NXPH2: variants seen among roughly 807,000 people sequenced by gnomAD.
NXPH2 encodes the protein neurexophilin-2.
In NXPH2, 5 loss-of-function variants were observed where a neutral mutation model predicts 19.8. The ratio of observed to expected loss-of-function variants is 0.25; its 90% confidence interval spans 0.13 to 0.53. NXPH2 has a LOEUF of 0.53. NXPH2 is among the 20% of genes least tolerant of loss of function. The pLI is 0.96. For missense variants in NXPH2, 289 were observed against 322.8 expected, an observed-to-expected ratio of 0.90 and a Z score of 0.80; for synonymous variants, 154 against 127.4, an observed-to-expected ratio of 1.21 and a Z score of -1.41.
intron 1 of NXPH2, among the ~76,000 whole-genome samples, chr2:138,696,268 G>A (rs1680827749): frequency 6.6e-6 from 1 of 152,040 alleles, no homozygotes; most frequent in South Asian, 2.1e-4. Context: ...CTGGTATACA[G>A]AAATAGATAT....
rs769440087 is a variant in NXPH2, at chr2:138,671,180, G to C, written c.537C>G (p.Thr179=). 6.2e-7 allele frequency: 1 copy of C among 1,613,798 alleles called. No individual in the cohort carries two copies. The highest frequency in any genetic ancestry group is 8.5e-7 in the Non-Finnish European group (1 of 1,179,846). The stretch of plus-strand genomic sequence containing the variant: ...GACAATTGAAAGATTTGGATTCCTT[G>C]GTCTCCAAGGTAGACTGGGGGGAAA... ...FEVSPQSTLE[T]KESKSFNCRI... is the part of the protein sequence containing the mutation. The change falls in exon 2 of 2, where the codon ACC becomes ACG. Residue 179 remains threonine (T), a synonymous_variant. Coordinates refer to ENST00000272641, the MANE Select transcript of NXPH2 (RefSeq NM_007226.3).
rs138492824 is a variant in NXPH2 at position 138,721,147 on chromosome 2, C to T, written c.52-49482G>A. On this transcript the variant is annotated intron_variant, in intron 1 of 1. Coordinates refer to ENST00000272641, the MANE Select transcript of NXPH2 (RefSeq NM_007226.3). ...ACAAGGTCAGGAGTTCGAGACCATC[C>T]TGACCAAAATGGTGAAACCCCCATC... Among the ~76,000 whole-genome samples, 354 of 152,226 alleles carry T rather than the reference C, an allele frequency of 2.3e-3. 5 individuals carry two copies. Among genetic ancestry groups the T allele is most frequent in the African/African-American group, 8.0e-3 (333 of 41,544 alleles).
chr2:138,694,387 T>G (rs80347878), intron 1 of NXPH2, among the ~76,000 whole-genome samples: 1,761 of 152,308 alleles, frequency 0.012, 30 homozygotes, highest in African/African-American at 0.04. Context: ...TGGTAGATCC[T>G]AATCCAATTT....
intron 1 of NXPH2, among the ~76,000 whole-genome samples, chr2:138,765,026 A>G (rs944784644): frequency 2.6e-5 from 4 of 152,222 alleles, no homozygotes; most frequent in African/African-American, 9.6e-5. Context: ...GAAGGGCTTG[A>G]CTTATTTAGG....
intron 1 of NXPH2, among the ~76,000 whole-genome samples, chr2:138,681,206 A>G (rs1558912230): frequency 6.6e-6 from 1 of 152,176 alleles, no homozygotes; most frequent in Admixed American, 6.5e-5. Context: ...TAAAAAGAAT[A>G]CTCTGAAACA....
intron 1 of NXPH2, among the ~76,000 whole-genome samples, chr2:138,688,714 T>C (rs1416401954): frequency 6.6e-6 from 1 of 152,188 alleles, no homozygotes; most frequent in African/African-American, 2.4e-5. Flanking sequence ...AAATGAAACT[T>C]GAAATCAGAA....
chr2:138,690,459 T>C (rs965111869), intron 1 of NXPH2, among the ~76,000 whole-genome samples: 8 of 152,122 alleles, frequency 5.3e-5, no homozygotes, highest in African/African-American at 1.9e-4. Flanking sequence ...GATAATAGAA[T>C]TCAGACTCAT....
At position 138,694,530 on chromosome 2, in the gene NXPH2, C is replaced by T. The variant is rs544504601; in HGVS notation, c.52-22865G>A. On this transcript the variant is annotated intron_variant, in intron 1 of 1. Coordinates refer to ENST00000272641, the MANE Select transcript of NXPH2 (RefSeq NM_007226.3). ...ACAAACCAAGGAACATTTGGGGCTA[C>T]CAGAAGCTGGAAGAGGTGAGGAAGG... is the stretch of plus-strand genomic sequence containing the variant. 6.6e-5 allele frequency among the ~76,000 whole-genome samples: 10 copies of T among 152,120 alleles called. No homozygotes were observed. In the East Asian group the frequency reaches 1.9e-3, roughly 29 times the overall value.
chr2:138,740,595 CAG>C (rs1573973443), intron 1 of NXPH2, among the ~76,000 whole-genome samples: 1 of 152,074 alleles, frequency 6.6e-6, no homozygotes, highest in East Asian at 1.9e-4. Context: ...TTTTAATAAA[CAG>C]AGTTATAATT....
At chr2:138,764,585 A>T (rs1440229586) in intron 1 of NXPH2, among the ~76,000 whole-genome samples, 1 of 152,236 alleles carries the variant, frequency 6.6e-6, no homozygotes, top group East Asian at 1.9e-4. Context: ...AGGAATTTTT[A>T]GCGCAAATAT....
At chr2:138,738,674 T>G (rs1681591315) in intron 1 of NXPH2, among the ~76,000 whole-genome samples, 1 of 152,202 alleles carries the variant, frequency 6.6e-6, no homozygotes, top group East Asian at 1.9e-4. Context: ...AGCACTCAAG[T>G]TCAATGTGAT....
chr2:138,698,990 T>G (rs901544601), intron 1 of NXPH2, among the ~76,000 whole-genome samples: 2 of 152,192 alleles, frequency 1.3e-5, no homozygotes, highest in Non-Finnish European at 2.9e-5. Flanking sequence ...AAATTTAGTT[T>G]TGTATATTGG....
At chr2:138,747,503 C>G (rs1011646722) in intron 1 of NXPH2, among the ~76,000 whole-genome samples, 1 of 152,122 alleles carries the variant, frequency 6.6e-6, no homozygotes, top group African/African-American at 2.4e-5. Flanking sequence ...GTGACCTGTC[C>G]CCTCCCATGG....
chr2:138,674,302 C>T (rs955801982), intron 1 of NXPH2, among the ~76,000 whole-genome samples: 11 of 151,968 alleles, frequency 7.2e-5, no homozygotes, highest in South Asian at 2.1e-4. Flanking sequence ...TACAGGCATG[C>T]GCCACCATGC....
At chr2:138,774,459 A>G (rs954652013) in intron 1 of NXPH2, among the ~76,000 whole-genome samples, 1 of 152,258 alleles carries the variant, frequency 6.6e-6, no homozygotes, top group African/African-American at 2.4e-5. Flanking sequence ...ATTTAAAACA[A>G]TTACATTTTT....
At chr2:138,751,525 T>C (rs1171611232) in intron 1 of NXPH2, among the ~76,000 whole-genome samples, 3 of 152,302 alleles carry the variant, frequency 2.0e-5, no homozygotes, top group Admixed American at 6.5e-5. Flanking sequence ...TGTGAAACTA[T>C]TGTGAACAAT....
At chr2:138,735,385 C>A (rs1048111545) in intron 1 of NXPH2, among the ~76,000 whole-genome samples, 25 of 152,108 alleles carry the variant, frequency 1.6e-4, no homozygotes, top group African/African-American at 5.8e-4. Flanking sequence ...AGGAGCAAGT[C>A]ATATCTTACA....
chr2:138,698,723 G>A (rs1680867041), intron 1 of NXPH2, among the ~76,000 whole-genome samples: 1 of 152,124 alleles, frequency 6.6e-6, no homozygotes, highest in Non-Finnish European at 1.5e-5. Context: ...GTGTGGTGGT[G>A]CGTGCCTGTG....
chr2:138,674,227 T>C (rs1035040860), intron 1 of NXPH2, among the ~76,000 whole-genome samples: 11 of 152,008 alleles, frequency 7.2e-5, no homozygotes, highest in Non-Finnish European at 1.3e-4. Flanking sequence ...AATCTCAGCT[T>C]ACTACAATCT....
Sources: gnomAD v4.1 joint callset for allele counts (sites outside exome capture counted in the v4.1 genomes callset) on GRCh38, gnomAD v4.1.1 for gene constraint, MANE v1.5 for transcripts, NCBI Gene and HGNC (gene_info 2026-07-23, HGNC 2026-07-21) for gene names.